SNAPC3: variants seen among roughly 807,000 people sequenced by gnomAD.
SNAPC3 encodes the protein small nuclear RNA activating complex polypeptide 3.
A neutral mutation model predicts 47.7 loss-of-function variants in SNAPC3; 56 were observed. The observed-to-expected ratio is 1.18, with a 90% CI of 0.95 to 1.47. The LOEUF (loss-of-function observed/expected upper bound fraction) is 1.47, where lower values mean the gene tolerates loss of function less well. Ranked by LOEUF, SNAPC3 falls within the 40% of genes most tolerant of loss-of-function variation. The pLI, the probability that SNAPC3 is intolerant of heterozygous loss-of-function variation, is 0.00. For synonymous variants in SNAPC3, 235 were observed against 189.9 expected, an observed-to-expected ratio of 1.24 and a Z score of -1.95; for missense variants, 665 against 511.3, an observed-to-expected ratio of 1.30 and a Z score of -2.90.
chr9:15,434,899 G>A (rs1002187879), intron 3 of SNAPC3, among the ~76,000 whole-genome samples: 4 of 152,160 alleles, frequency 2.6e-5, no homozygotes, highest in African/African-American at 7.2e-5. Context: ...ATGAAAATTG[G>A]TGTACAGATA....
chr9:15,440,817 C>T (rs960388256), intron 3 of SNAPC3, among the ~76,000 whole-genome samples: 48 of 152,138 alleles, frequency 3.2e-4, no homozygotes, highest in East Asian at 3.9e-4. Flanking sequence ...GGCGCGGTGG[C>T]GAGTGTCTGT....
At chr9:15,431,158 C>T (rs963232000) in intron 2 of SNAPC3, among the ~76,000 whole-genome samples, 5 of 152,266 alleles carry the variant, frequency 3.3e-5, no homozygotes, top group Non-Finnish European at 4.4e-5. Context: ...AAGCACCCCG[C>T]GCCCAGCAGC....
chr9:15,447,033 C>A, intron 4 of SNAPC3, 62 bp from the exon 5 acceptor site: 1 of 1,407,040 alleles, frequency 7.1e-7, no homozygotes, highest in South Asian at 1.2e-5. Flanking sequence ...CTAGTCATGA[C>A]AGGATTTGTA....
At position 15,423,129 on chromosome 9, in the gene SNAPC3, G is replaced by C. The variant is rs754460862; in HGVS notation, c.250G>C (p.Ala84Pro). The C allele has an allele frequency of 5.8e-6, 9 of 1,557,082 alleles. No individual in the cohort carries two copies. The highest frequency in any genetic ancestry group is 7.7e-6 in the Non-Finnish European group (9 of 1,163,144). The part of the protein sequence containing the change: ...SQAADSDRED[A>P]AVARDLDCSL... ...GGCAGCTGACTCCGACCGGGAGGATGCCGCGGTGGCCAGGGATCTGGACTG... is the reference window on the plus strand; with the variant it reads ...GGCAGCTGACTCCGACCGGGAGGATCCCGCGGTGGCCAGGGATCTGGACTG... Residue 84 changes from alanine (A) to proline (P), a missense_variant, in exon 1 of 9, where the codon GCC becomes CCC. By Grantham distance (27) the Ala-to-Pro change is conservative. Transcript: ENST00000380821.
chr9:15,430,753 G>A (rs1268388772), intron 2 of SNAPC3, among the ~76,000 whole-genome samples: 2 of 152,082 alleles, frequency 1.3e-5, no homozygotes, highest in Admixed American at 6.6e-5. Context: ...TGTTGAATAC[G>A]CTATGGGAAA....
chr9:15,454,586 G>A (rs541252207), intron 7 of SNAPC3, among the ~76,000 whole-genome samples: 4 of 152,324 alleles, frequency 2.6e-5, no homozygotes, highest in African/African-American at 7.2e-5. Flanking sequence ...GTAGACTCCC[G>A]GTTGTTCACT....
intron 5 of SNAPC3, among the ~76,000 whole-genome samples, chr9:15,448,878 C>T (rs748976556): frequency 2.0e-5 from 3 of 151,902 alleles, no homozygotes; most frequent in South Asian, 4.1e-4. Context: ...GATGCAATCT[C>T]GGCTCACTGC....
In SNAPC3 at chr9:15,447,073, T is replaced by C. The variant is rs377351880; in HGVS notation, c.583-22T>C. Reference sequence around the variant, plus strand: ...TATCGCTTTGTCTCTAAATGAACACTTATTTATTCTTTGACTTTTAGCACA... The same window carrying C: ...TATCGCTTTGTCTCTAAATGAACACCTATTTATTCTTTGACTTTTAGCACA... On this transcript the variant is annotated intron_variant, in intron 4 of 8. Transcript: ENST00000380821. The C allele has an allele frequency of 9.9e-6, 16 of 1,608,738 alleles. No homozygotes were observed. The African/African-American group carries it at 1.9e-4, about 19-fold the overall frequency.
chr9:15,435,092 TTAA>T (rs2032625431), intron 3 of SNAPC3, among the ~76,000 whole-genome samples: 1 of 152,222 alleles, frequency 6.6e-6, no homozygotes, highest in African/African-American at 2.4e-5. Flanking sequence ...TAGCTTTTTT[TTAA>T]TAATAGCCAT....
At chr9:15,454,860 G>T (rs957306740) in intron 7 of SNAPC3, among the ~76,000 whole-genome samples, 1 of 152,276 alleles carries the variant, frequency 6.6e-6, no homozygotes, top group Admixed American at 6.5e-5. Context: ...CGTGAACCCG[G>T]GAGGTGGAGC....
chr9:15,425,461 G>A (rs1449426092), intron 2 of SNAPC3, among the ~76,000 whole-genome samples: 5 of 152,038 alleles, frequency 3.3e-5, no homozygotes, highest in Non-Finnish European at 7.4e-5. Context: ...CATGTGATCT[G>A]CCCAACTCGT....
Position 15,460,978 on chromosome 9 carries a change from A to C in SNAPC3, c.*1112A>C, listed in dbSNP as rs1047391951. On this transcript the variant is annotated 3_prime_UTR_variant, in exon 9 of 9. Coordinates refer to ENST00000380821, the MANE Select transcript of SNAPC3 (RefSeq NM_001039697.2). ...ACATGGAAAAATCAAGATCCTATTG[A>C]TTGCTAGCTCTGGCTCACTTATTCT... 6.6e-6 allele frequency: 1 copy of C among 152,120 alleles called. No homozygotes were observed. The highest frequency in any genetic ancestry group is 2.4e-5 in the African/African-American group (1 of 41,434). 9.4% of individuals were successfully genotyped at this position (152,120 alleles called of 1,614,324 possible).
In SNAPC3 at chr9:15,437,214, A is replaced by T. The variant is rs1025310498; in HGVS notation, c.477+3578A>T. The stretch of plus-strand genomic sequence containing the variant: ...TAAATATTTTATTCTTTTGAATGCT[A>T]TTGTAAGTGAAATTGTTTTCTTAAT... On this transcript the variant is annotated intron_variant, in intron 3 of 8. Coordinates refer to ENST00000380821, the MANE Select transcript of SNAPC3 (RefSeq NM_001039697.2). Among the ~76,000 whole-genome samples, 14 of 151,240 alleles carry T rather than the reference A, an allele frequency of 9.3e-5. 3 individuals carry two copies. The highest frequency in any genetic ancestry group is 5.9e-4 in the Admixed American group (9 of 15,186).
At position 15,444,170 on chromosome 9, in the gene SNAPC3, TC is replaced by T. The variant is rs1421703268; in HGVS notation, c.478-430del. On this transcript the variant is annotated intron_variant, in intron 3 of 8. Coordinates refer to ENST00000380821, the MANE Select transcript of SNAPC3 (RefSeq NM_001039697.2). The stretch of plus-strand genomic sequence containing the variant: ...AGCATAGGGTTTAGAGCCAAACAAA[TC>T]CGTATTTGCGTCCTAACTCTGGTAT... 4.6e-5 allele frequency among the ~76,000 whole-genome samples: 7 copies of T among 152,330 alleles called. No individual in the cohort carries two copies. The East Asian group carries it at 1.3e-3, about 29-fold the overall frequency.
chr9:15,464,632 G>A (rs1391066632), downstream of SNAPC3: 1 of 198,096 alleles, frequency 5.0e-6, no homozygotes, highest in African/African-American at 2.3e-5. Flanking sequence ...TAAGCATCAT[G>A]ATTTTTTCTT....
chr9:15,444,527 T>A (rs1194648713), intron 3 of SNAPC3, 75 bp from the exon 4 acceptor site: 3 of 895,772 alleles, frequency 3.3e-6, no homozygotes, highest in Non-Finnish European at 5.4e-6. Flanking sequence ...GATCCCTTGC[T>A]GATAGCCATT....
At chr9:15,450,389 G>A (rs1438992849) in intron 5 of SNAPC3, among the ~76,000 whole-genome samples, 3 of 151,854 alleles carry the variant, frequency 2.0e-5, no homozygotes, top group Non-Finnish European at 4.4e-5. Flanking sequence ...AAAATATTAC[G>A]GTAAAATTAT....
chr9:15,438,662 A>G (rs532566032), intron 3 of SNAPC3, among the ~76,000 whole-genome samples: 87 of 152,296 alleles, frequency 5.7e-4, no homozygotes, highest in African/African-American at 2.0e-3. Flanking sequence ...AAATTTCCAC[A>G]TACTTGTGAA....
chr9:15,440,967 A>AAAAAAAC (rs35634748), intron 3 of SNAPC3, among the ~76,000 whole-genome samples: 1 of 149,858 alleles, frequency 6.7e-6, no homozygotes, highest in African/African-American at 2.5e-5. Flanking sequence ...AAAAAAAAAA[A>AAAAAAAC]TTGGTCAGTC....
Sources: gnomAD v4.1 joint callset for allele counts (sites outside exome capture counted in the v4.1 genomes callset) on GRCh38, gnomAD v4.1.1 for gene constraint, MANE v1.5 for transcripts, NCBI Gene and HGNC (gene_info 2026-07-23, HGNC 2026-07-21) for gene names.